PRRC2C: variants seen among roughly 807,000 people sequenced by gnomAD.
PRRC2C encodes protein PRRC2C.
A neutral mutation model predicts 317.2 loss-of-function variants in PRRC2C; 72 were observed. The ratio of observed to expected loss-of-function variants is 0.23; its 90% CI spans 0.19 to 0.28. The LOEUF is 0.28. Among genes scored for constraint, PRRC2C ranks in the 10% least tolerant of loss-of-function variants. The pLI is 1.00. For missense variants in PRRC2C, 3,074 were observed against 3,459.7 expected (o/e 0.89, Z 2.80); for synonymous variants, 1,296 against 1,205.9 (o/e 1.07, Z -1.55).
At position 171,540,421 on chromosome 1, in the gene PRRC2C, A is replaced by C. The variant is rs562169980; in HGVS notation, c.2955A>C (p.Lys985Asn). The C allele has an allele frequency of 1.2e-6, 2 of 1,613,174 alleles. No homozygotes were observed. Among genetic ancestry groups the C allele is most frequent in the East Asian group, 4.5e-5 (2 of 44,856 alleles). ...CTTCTGAAGGACCAAAACCTGAAAA[A>C]GTATATAAATCTAAATCAGAAACTC... ...IRSSEGPKPE[K>N]VYKSKSETRW... Residue 985 changes from lysine to asparagine, a missense_variant, in exon 16 of 35, where the codon AAA becomes AAC. Coordinates refer to ENST00000647382, the MANE Select transcript of PRRC2C (RefSeq NM_001387844.1).
At chr1:171,567,237 G>A (rs761758354) in intron 22 of PRRC2C, among the ~76,000 whole-genome samples, 1 of 151,916 alleles carries the variant, frequency 6.6e-6, no homozygotes, top group Non-Finnish European at 1.5e-5. Context: ...AGTATAGCCA[G>A]TTTTTTTTCA....
chr1:171,551,062 G>A (rs1273376880), intron 18 of PRRC2C, among the ~76,000 whole-genome samples: 1 of 152,136 alleles, frequency 6.6e-6, no homozygotes, highest in African/African-American at 2.4e-5. Flanking sequence ...CACAATGGTT[G>A]AACTAGTTTA....
At chr1:171,548,148 G>T (rs1395483354) in intron 17 of PRRC2C, among the ~76,000 whole-genome samples, 1 of 151,412 alleles carries the variant, frequency 6.6e-6, no homozygotes, top group Admixed American at 6.6e-5. Flanking sequence ...TGTATTTTTA[G>T]TAGAGAGAGG....
Position 171,537,381 on chromosome 1 carries a change from G to A in PRRC2C, c.2412G>A (p.Glu804=), listed in dbSNP as rs1677029263. The stretch of plus-strand genomic sequence containing the variant: ...GAGATCACGCAATTTCCCTTTCTGA[G>A]CCTCGTATGCTGTGGGGGTCAGATC... ...SARDHAISLS[E]PRMLWGSDPY... The change falls in exon 15 of 35, where the codon GAG becomes GAA. Residue 804 remains glutamate (E), a synonymous_variant. Transcript: ENST00000647382. 6.3e-7 allele frequency: 1 copy of A among 1,588,632 alleles called. No individual in the cohort carries two copies. Among genetic ancestry groups the A allele is most frequent in the Non-Finnish European group, 8.6e-7 (1 of 1,166,670 alleles).
chr1:171,561,203 G>A (rs1287574637), intron 20 of PRRC2C, 100 bp downstream of exon 20: 10 of 1,188,082 alleles, frequency 8.4e-6, no homozygotes, highest in Non-Finnish European at 1.2e-5. Context: ...AGCGTGGTGG[G>A]AGGGTTACTT....
At chr1:171,514,087 G>GT (rs1429578950) in intron 3 of PRRC2C, among the ~76,000 whole-genome samples, 2 of 152,188 alleles carry the variant, frequency 1.3e-5, no homozygotes, top group African/African-American at 4.8e-5. Context: ...AATAACAGTA[G>GT]TAAGTACAGT....
At chr1:171,570,711 A>G (rs1349382087) in intron 23 of PRRC2C, among the ~76,000 whole-genome samples, 1 of 151,216 alleles carries the variant, frequency 6.6e-6, no homozygotes, top group Admixed American at 6.6e-5. Flanking sequence ...TTGTAATGAG[A>G]TGGTGCTAAC....
chr1:171,536,319 T>C (rs1676821279), intron 14 of PRRC2C, 41 bp downstream of exon 14: 1 of 1,577,488 alleles, frequency 6.3e-7, no homozygotes, highest in Non-Finnish European at 8.6e-7. Flanking sequence ...GGATCAAAAT[T>C]TTTTTTTCCC....
At chr1:171,515,959 C>A in intron 5 of PRRC2C, 100 bp downstream of exon 5, 1 of 1,300,276 alleles carries the variant, frequency 7.7e-7, no homozygotes, top group Non-Finnish European at 1.0e-6. Flanking sequence ...TTGCCTACTT[C>A]GAAAAGGCAG....
intron 30 of PRRC2C, among the ~76,000 whole-genome samples, chr1:171,586,534 G>C (rs1000804480): frequency 1.6e-4 from 22 of 139,818 alleles, no homozygotes; most frequent in African/African-American, 5.9e-4. Flanking sequence ...GTAGATGGAT[G>C]TGTTCTATGT....
At chr1:171,529,186 G>T (rs1272554434) in intron 11 of PRRC2C, among the ~76,000 whole-genome samples, 1 of 152,126 alleles carries the variant, frequency 6.6e-6, no homozygotes. Context: ...TACACTTCGA[G>T]TGTTGGAGCA....
chr1:171,504,922 A>G (rs767053425), intron 1 of PRRC2C, among the ~76,000 whole-genome samples: 5 of 151,858 alleles, frequency 3.3e-5, no homozygotes, highest in African/African-American at 4.9e-5. Context: ...TGAACATGGC[A>G]TAAGTTCTTA....
chr1:171,568,705 T>G (rs1171681235), intron 23 of PRRC2C, among the ~76,000 whole-genome samples: 1 of 152,216 alleles, frequency 6.6e-6, no homozygotes, highest in Non-Finnish European at 1.5e-5. Context: ...CTTTTTATAA[T>G]TCAGTGAAAC....
intron 30 of PRRC2C, among the ~76,000 whole-genome samples, chr1:171,586,361 G>A (rs1649986146): frequency 6.6e-6 from 1 of 151,280 alleles, no homozygotes; most frequent in Admixed American, 6.6e-5. Context: ...AAAGTGCTGG[G>A]ATTATAGGCG....
rs1274140733 is a variant in PRRC2C at position 171,514,467 on chromosome 1, C to T, written c.291-69C>T. 11 of 1,247,662 alleles carry T rather than the reference C, an allele frequency of 8.8e-6. No homozygotes were observed. In the Admixed American group the frequency reaches 9.3e-5, roughly 11 times the overall value. The allele number at this position is 1,247,662 out of a possible 1,614,324, so 77.3% of individuals were successfully genotyped here. The stretch of plus-strand genomic sequence containing the variant: ...CAAAATAATTTGTACACAGGTTTAC[C>T]TTAAATATAATATTGATTTTATTTA... On this transcript the variant is annotated intron_variant, in intron 3 of 34. Transcript: ENST00000647382.
rs1366424535 is a variant in PRRC2C, at chr1:171,540,429, A to C, written c.2963A>C (p.Lys988Thr). ...SEGPKPEKVY[K>T]SKSETRWGPR... Reference sequence around the variant, plus strand: ...GGACCAAAACCTGAAAAAGTATATAAATCTAAATCAGAAACTCGTTGGGGC... The same window carrying C: ...GGACCAAAACCTGAAAAAGTATATACATCTAAATCAGAAACTCGTTGGGGC... Residue 988 changes from lysine (K) to threonine (T), a missense_variant, in exon 16 of 35, where the codon AAA (lysine) becomes ACA (threonine). By Grantham distance (78) the Lys-to-Thr change is moderately conservative (BLOSUM62 -1). This residue lies in a region of PRRC2C where 1,320 missense variants were observed against 1,395.7 expected (regional missense o/e 0.95). Coordinates refer to ENST00000647382, the MANE Select transcript of PRRC2C (RefSeq NM_001387844.1). 6.2e-7 allele frequency: 1 copy of C among 1,612,930 alleles called. No homozygotes were observed. Among genetic ancestry groups the C allele is most frequent in the East Asian group, 2.2e-5 (1 of 44,838 alleles).
intron 18 of PRRC2C, among the ~76,000 whole-genome samples, chr1:171,551,844 A>G (rs1224940759): frequency 6.6e-6 from 1 of 152,196 alleles, no homozygotes; most frequent in Non-Finnish European, 1.5e-5. Context: ...TACCAGTACC[A>G]TGCTGTTTTG....
chr1:171,579,678 G>C (rs529758880), intron 27 of PRRC2C, 150 bp from the exon 28 acceptor site: 1 of 1,282,804 alleles, frequency 7.8e-7, no homozygotes, highest in Non-Finnish European at 1.0e-6. Context: ...GGGAAATTTA[G>C]ATGTTTACAT....
intron 27 of PRRC2C, 36 bp from the exon 28 acceptor site, chr1:171,579,792 A>G: frequency 6.7e-7 from 1 of 1,500,976 alleles, no homozygotes; most frequent in Non-Finnish European, 8.9e-7. Flanking sequence ...TATGATGTTG[A>G]TATATATGTT....
Sources: allele counts gnomAD v4.1 joint callset (sites outside exome capture counted in the v4.1 genomes callset), GRCh38; gene constraint gnomAD v4.1.1; regional missense constraint gnomAD v4.1.1; transcripts MANE v1.5; gene names NCBI Gene and HGNC (gene_info 2026-07-23, HGNC 2026-07-21).